CEMIP: variants seen among roughly 807,000 people sequenced by gnomAD.
CEMIP encodes the protein cell migration inducing hyaluronidase 1, also known as cell migration-inducing and hyaluronan-binding protein.
Under a neutral mutation model 156.9 loss-of-function variants are expected in CEMIP, and 105 were observed. That is an observed-to-expected ratio of 0.67 (90% CI 0.57 to 0.79). The LOEUF (loss-of-function observed/expected upper bound fraction) is 0.79. Among genes scored for constraint, CEMIP ranks in the 30% least tolerant of loss-of-function variants. The pLI, the probability that CEMIP is intolerant of heterozygous loss-of-function variation, is 0.00. For synonymous variants in CEMIP, 676 were observed against 668.4 expected, an observed-to-expected ratio of 1.01 and a Z score of -0.17; for missense variants, 1,457 against 1,769.4, an observed-to-expected ratio of 0.82 and a Z score of 3.17.
intron 1 of CEMIP, among the ~76,000 whole-genome samples, chr15:80,799,035 G>A (rs558516343): frequency 6.2e-4 from 95 of 152,326 alleles, no homozygotes; most frequent in Middle Eastern, 3.4e-3. Context: ...TGTCCTGCCA[G>A]TAAAAGCTTA....
intron 1 of CEMIP, among the ~76,000 whole-genome samples, chr15:80,859,735 G>A (rs1282383552): frequency 6.6e-6 from 1 of 152,244 alleles, no homozygotes; most frequent in Non-Finnish European, 1.5e-5. Flanking sequence ...TGCTTGGTTT[G>A]AAAATCCCTT....
intron 1 of CEMIP, among the ~76,000 whole-genome samples, chr15:80,812,187 G>C (rs1404297437): frequency 6.6e-6 from 1 of 152,140 alleles, no homozygotes; most frequent in African/African-American, 2.4e-5. Context: ...TTGATGTCCT[G>C]TTTTAACCCG....
At chr15:80,840,113 G>A (rs913150288) in intron 1 of CEMIP, among the ~76,000 whole-genome samples, 9 of 152,218 alleles carry the variant, frequency 5.9e-5, no homozygotes, top group Non-Finnish European at 7.3e-5. Flanking sequence ...AAAGTGGAAA[G>A]GGGGGTGTCT....
At chr15:80,826,650 T>C (rs1897045534) in intron 1 of CEMIP, among the ~76,000 whole-genome samples, 2 of 152,326 alleles carry the variant, frequency 1.3e-5, no homozygotes, top group South Asian at 4.1e-4. Flanking sequence ...AATTAGGGTA[T>C]AATAAGTATT....
intron 1 of CEMIP, among the ~76,000 whole-genome samples, chr15:80,826,237 G>T (rs989236274): frequency 6.6e-6 from 1 of 152,178 alleles, no homozygotes; most frequent in African/African-American, 2.4e-5. Context: ...AAACTCATTT[G>T]CTGTCAAGTT....
At chr15:80,841,308 T>C (rs1183735872) in intron 1 of CEMIP, among the ~76,000 whole-genome samples, 2 of 152,220 alleles carry the variant, frequency 1.3e-5, no homozygotes, top group Non-Finnish European at 2.9e-5. Context: ...CTCTACTCTC[T>C]GCCTTCAGAC....
intron 1 of CEMIP, among the ~76,000 whole-genome samples, chr15:80,799,534 T>A (rs1306791519): frequency 6.6e-6 from 1 of 152,226 alleles, no homozygotes; most frequent in Non-Finnish European, 1.5e-5. Flanking sequence ...GTGTATGGAA[T>A]AGAACTACCC....
chr15:80,793,317 G>A (rs898613402), intron 1 of CEMIP, among the ~76,000 whole-genome samples: 1 of 152,178 alleles, frequency 6.6e-6, no homozygotes, highest in African/African-American at 2.4e-5. Flanking sequence ...GGGTGTGTTA[G>A]ACCAACGCCC....
intron 1 of CEMIP, among the ~76,000 whole-genome samples, chr15:80,846,058 C>T (rs1004092974): frequency 7.9e-5 from 12 of 152,200 alleles, no homozygotes; most frequent in African/African-American, 2.7e-4. Context: ...CCTTTACCCA[C>T]CCACCTCAGT....
chr15:80,827,568 G>C (rs888943256), intron 1 of CEMIP, among the ~76,000 whole-genome samples: 2 of 151,214 alleles, frequency 1.3e-5, no homozygotes, highest in African/African-American at 4.9e-5. Flanking sequence ...GCAGTGAGCC[G>C]AGATCACACC....
At chr15:80,815,176 C>A (rs377609662) in intron 1 of CEMIP, among the ~76,000 whole-genome samples, 3 of 152,248 alleles carry the variant, frequency 2.0e-5, no homozygotes, top group African/African-American at 4.8e-5. Context: ...GCTGGGAGAA[C>A]GGCATTCTTA....
At chr15:80,807,529 G>A (rs1344956474) in intron 1 of CEMIP, among the ~76,000 whole-genome samples, 1 of 152,158 alleles carries the variant, frequency 6.6e-6, no homozygotes, top group Non-Finnish European at 1.5e-5. Context: ...CTGGCCTGAG[G>A]AGAGGATATT....
rs1324405990 is a variant in CEMIP, at chr15:80,906,997, C to A, written c.1587+159C>A. ...AAGTTTGAGAAGTCTTATGTATTAT[C>A]CATTAGTGTGCAGCTCCCCCCCCAC... On this transcript the variant is annotated intron_variant, in intron 13 of 29. Coordinates refer to ENST00000394685, the MANE Select transcript of CEMIP (RefSeq NM_001293298.2). The surrounding 1 kb of genome is among the most constrained non-coding windows in gnomAD (Gnocchi z 4.3). Among the ~76,000 whole-genome samples the A allele has an allele frequency of 2.0e-5, 2 of 99,082 alleles. No homozygotes were observed. The highest frequency in any genetic ancestry group is 7.5e-5 in the African/African-American group (2 of 26,590). The allele number at this position is 99,082 out of a possible 152,430, so 65.0% of individuals were successfully genotyped here.
intron 1 of CEMIP, among the ~76,000 whole-genome samples, chr15:80,815,559 CCCTT>C (rs58659957): frequency 0.32 from 49,178 of 151,532 alleles, 7,912 homozygotes; most frequent in South Asian, 0.38. Context: ...CTTCCTACCT[CCCTT>C]CTTTCTTTCC....
At chr15:80,845,308 T>A (rs1378097279) in intron 1 of CEMIP, among the ~76,000 whole-genome samples, 1 of 152,002 alleles carries the variant, frequency 6.6e-6, no homozygotes, top group African/African-American at 2.4e-5. Flanking sequence ...GTGCATGCCT[T>A]TGGTTCTAGC....
At chr15:80,859,760 C>T (rs909489129) in intron 1 of CEMIP, among the ~76,000 whole-genome samples, 10 of 152,136 alleles carry the variant, frequency 6.6e-5, no homozygotes, top group East Asian at 3.8e-4. Context: ...ATTTAGTGGT[C>T]GGAAGTATTG....
At chr15:80,886,517 C>T (rs757088625) in intron 7 of CEMIP, among the ~76,000 whole-genome samples, 1 of 152,066 alleles carries the variant, frequency 6.6e-6, no homozygotes, top group Non-Finnish European at 1.5e-5. Flanking sequence ...GCACCAAAAT[C>T]GATTGATAGC....
intron 1 of CEMIP, among the ~76,000 whole-genome samples, chr15:80,872,113 G>A (rs1402366615): frequency 6.6e-6 from 1 of 152,310 alleles, no homozygotes; most frequent in Non-Finnish European, 1.5e-5. Flanking sequence ...CACTGAACTC[G>A]CACAAAGAGC....
chr15:80,937,144 C>T (rs1003863447), intron 24 of CEMIP, among the ~76,000 whole-genome samples: 1 of 152,212 alleles, frequency 6.6e-6, no homozygotes, highest in Non-Finnish European at 1.5e-5. Flanking sequence ...GATAGTATTA[C>T]CTTGCAGGAG....
Sources: gnomAD v4.1 joint callset for allele counts (sites outside exome capture counted in the v4.1 genomes callset) on GRCh38, gnomAD v4.1.1 for gene constraint, Gnocchi (gnomAD v3.1) non-coding constraint, MANE v1.5 for transcripts, NCBI Gene and HGNC (gene_info 2026-07-23, HGNC 2026-07-21) for gene names.